TMEM54: variants seen among roughly 807,000 people sequenced by gnomAD.
TMEM54 encodes the protein beta-casein-like protein.
A neutral mutation model predicts 21.3 loss-of-function variants in TMEM54; 21 were observed. The ratio of observed to expected loss-of-function variants is 0.99; its 90% CI spans 0.70 to 1.42. The LOEUF (loss-of-function observed/expected upper bound fraction) is 1.42. TMEM54 is among the 40% of genes most tolerant of loss of function. TMEM54 has a pLI of 0.00. For synonymous variants in TMEM54, 109 were observed against 125.0 expected, an observed-to-expected ratio of 0.87 and a Z score of 0.86; for missense variants, 246 against 294.0, an observed-to-expected ratio of 0.84 and a Z score of 1.19.
chr1:32,898,399 G>C, intron 1 of TMEM54, 80 bp from the exon 2 acceptor site: 2 of 1,353,974 alleles, frequency 1.5e-6, no homozygotes, highest in Admixed American at 4.1e-5. Flanking sequence ...CCTGGCCCTA[G>C]TGATGGACAT....
At position 32,896,567 on chromosome 1, in the gene TMEM54, C is replaced by G. The variant is rs1331408207; in HGVS notation, c.211-598G>C. ...TGCACCCTCTCACCTTCCTGCTCCT[C>G]TGCCCGTGTGGATCCTGCAAGCCCT... On this transcript the variant is annotated intron_variant, in intron 2 of 5. Transcript: ENST00000373463. The surrounding 1 kb of genome is among the most constrained non-coding windows in gnomAD (Gnocchi z 4.1). Among the ~76,000 whole-genome samples, 1 of 152,206 alleles carries G rather than the reference C, an allele frequency of 6.6e-6. No individual in the cohort carries two copies. The highest frequency in any genetic ancestry group is 2.4e-5 in the African/African-American group (1 of 41,450).
chr1:32,894,890 A>T lies in TMEM54; in HGVS notation c.595-11T>A. 1 of 1,606,924 alleles carries T rather than the reference A, an allele frequency of 6.2e-7. No homozygotes were observed. Among genetic ancestry groups the T allele is most frequent in the Non-Finnish European group, 8.5e-7 (1 of 1,174,138 alleles). ...TGGGTTCTCCCGCATCTGCAGAGACACAGGAGGCTGCCAGACCCACTGGTT... is the reference window on the plus strand; with the variant it reads ...TGGGTTCTCCCGCATCTGCAGAGACTCAGGAGGCTGCCAGACCCACTGGTT... On this transcript the variant is annotated splice_polypyrimidine_tract_variant and intron_variant, in intron 5 of 5. Transcript: ENST00000373463.
chr1:32,897,992 G>T lies in TMEM54; in HGVS notation c.210+134C>A. Reference sequence around the variant, plus strand: ...AAGAAGTTGAGTGACTTGGGCAGTTGGTAAGTGGCAGACAAAGGGTTAGTC... The same window carrying T: ...AAGAAGTTGAGTGACTTGGGCAGTTTGTAAGTGGCAGACAAAGGGTTAGTC... On this transcript the variant is annotated intron_variant, in intron 2 of 5. Transcript: ENST00000373463. The surrounding 1 kb of genome is among the most constrained non-coding windows in gnomAD (Gnocchi z 4.9). 1.3e-6 allele frequency: 1 copy of T among 763,880 alleles called. No individual in the cohort carries two copies. Among genetic ancestry groups the T allele is most frequent in the Non-Finnish European group, 2.1e-6 (1 of 475,658 alleles). The allele number at this position is 763,880 out of a possible 1,614,324, so 47.3% of individuals were successfully genotyped here. A position where few individuals can be genotyped will look rare whatever the true frequency, so the allele number is the denominator to read the frequency against.
rs1005942099 is a variant in TMEM54 at position 32,897,164 on chromosome 1, C to T, written c.210+962G>A. 1.6e-4 allele frequency among the ~76,000 whole-genome samples: 25 copies of T among 152,304 alleles called. No individual in the cohort carries two copies. The South Asian group carries it at 2.9e-3, about 18-fold the overall frequency. On this transcript the variant is annotated intron_variant, in intron 2 of 5. Coordinates refer to ENST00000373463, the MANE Select transcript of TMEM54 (RefSeq NM_033504.4). The surrounding 1 kb of genome is among the most constrained non-coding windows in gnomAD (Gnocchi z 4.9). ...GAACTCCAAGGACCCTGCACACATC[C>T]GCCCATCCCAGCCCTGTCCCACCAA...
At chr1:32,900,998 C>T (rs533501593) in intron 1 of TMEM54, among the ~76,000 whole-genome samples, 33 of 152,318 alleles carry the variant, frequency 2.2e-4, no homozygotes, top group Admixed American at 2.2e-3. Context: ...GGGTAAGAGA[C>T]GCTACAGCCA....
In TMEM54 at chr1:32,895,221, C is replaced by A; in HGVS notation, c.594+84G>T. On this transcript the variant is annotated intron_variant, in intron 5 of 5. Coordinates refer to ENST00000373463, the MANE Select transcript of TMEM54 (RefSeq NM_033504.4). This position sits in a 1 kb window ranked among gnomAD's most constrained non-coding sequence, Gnocchi z 5.8. ...CCATTTCTCAAGGTGGGGGCCCATA[C>A]ATAGGGGTGGGGCAGAGCAGCTTGG... is the stretch of plus-strand genomic sequence containing the variant. 1.3e-6 allele frequency: 2 copies of A among 1,509,038 alleles called. No individual in the cohort carries two copies. Among genetic ancestry groups the A allele is most frequent in the Admixed American group, 2.1e-5 (1 of 47,832 alleles). 93.5% of individuals were successfully genotyped at this position (1,509,038 alleles called of 1,614,324 possible).
Position 32,901,138 on chromosome 1 carries a change from G to C in TMEM54, c.16+85C>G. The C allele has an allele frequency of 7.5e-7, 1 of 1,337,952 alleles. No individual in the cohort carries two copies. Among genetic ancestry groups the C allele is most frequent in the South Asian group, 2.1e-5 (1 of 48,374 alleles). 82.9% of individuals were successfully genotyped at this position (1,337,952 alleles called of 1,614,324 possible). On this transcript the variant is annotated intron_variant, in intron 1 of 5. Transcript: ENST00000373463. The surrounding 1 kb of genome is among the most constrained non-coding windows in gnomAD (Gnocchi z 4.2). Reference sequence around the variant, plus strand: ...GCAGAGCAGGTGGCCTGGCCCCCTGGGGGCTCGGGTTCCGGGCTCAGTGCT... The same window carrying C: ...GCAGAGCAGGTGGCCTGGCCCCCTGCGGGCTCGGGTTCCGGGCTCAGTGCT...
chr1:32,901,342 C>G lies in TMEM54; in HGVS notation c.-104G>C. ...CCCGCTGGCCCGTCGCCCGCGCGCC[C>G]CGCACCGTCGCGCTCGCCCACTTCC... On this transcript the variant is annotated 5_prime_UTR_variant, in exon 1 of 6. Transcript: ENST00000373463. This position sits in a 1 kb window ranked among gnomAD's most constrained non-coding sequence, Gnocchi z 4.2. 1 of 1,109,040 alleles carries G rather than the reference C, an allele frequency of 9.0e-7. No individual in the cohort carries two copies. Among genetic ancestry groups the G allele is most frequent in the Non-Finnish European group, 1.1e-6 (1 of 886,286 alleles). 68.7% of individuals were successfully genotyped at this position (1,109,040 alleles called of 1,614,324 possible). A position where few individuals can be genotyped will look rare whatever the true frequency, so the allele number is the denominator to read the frequency against.
At position 32,895,224 on chromosome 1, in the gene TMEM54, AG is replaced by A; in HGVS notation, c.594+80del. 3 of 1,509,086 alleles carry A rather than the reference AG, an allele frequency of 2.0e-6. No individual in the cohort carries two copies. Among genetic ancestry groups the A allele is most frequent in the Admixed American group, 2.1e-5 (1 of 48,518 alleles). 93.5% of individuals were successfully genotyped at this position (1,509,086 alleles called of 1,614,324 possible). A position where few individuals can be genotyped will look rare whatever the true frequency, so the allele number is the denominator to read the frequency against. On this transcript the variant is annotated intron_variant, in intron 5 of 5. Coordinates refer to ENST00000373463, the MANE Select transcript of TMEM54 (RefSeq NM_033504.4). The surrounding 1 kb of genome is among the most constrained non-coding windows in gnomAD (Gnocchi z 5.8). ...TTTCTCAAGGTGGGGGCCCATACATAGGGGTGGGGCAGAGCAGCTTGGGCAC... is the reference window on the plus strand; with the variant it reads ...TTTCTCAAGGTGGGGGCCCATACATAGGGTGGGGCAGAGCAGCTTGGGCAC...
chr1:32,895,210 G>A lies in TMEM54; in HGVS notation c.594+95C>T. ...AAACTTCTGCCCCATTTCTCAAGGT[G>A]GGGGCCCATACATAGGGGTGGGGCA... On this transcript the variant is annotated intron_variant, in intron 5 of 5. Coordinates refer to ENST00000373463, the MANE Select transcript of TMEM54 (RefSeq NM_033504.4). The surrounding 1 kb of genome is among the most constrained non-coding windows in gnomAD (Gnocchi z 5.8). 6.8e-7 allele frequency: 1 copy of A among 1,461,810 alleles called. No individual in the cohort carries two copies. The highest frequency in any genetic ancestry group is 1.4e-5 in the South Asian group (1 of 72,880). The allele number at this position is 1,461,810 out of a possible 1,614,324, so 90.6% of individuals were successfully genotyped here. A position where few individuals can be genotyped will look rare whatever the true frequency, so the allele number is the denominator to read the frequency against.
At chr1:32,899,413 A>G (rs1457723765) in intron 1 of TMEM54, among the ~76,000 whole-genome samples, 1 of 151,022 alleles carries the variant, frequency 6.6e-6, no homozygotes, top group Non-Finnish European at 1.5e-5. Context: ...AAAAAAGAAA[A>G]AAAGAGGCTG....
In TMEM54 at chr1:32,896,083, T is replaced by TC; in HGVS notation, c.211-115dup. 1 of 1,129,176 alleles carries TC rather than the reference T, an allele frequency of 8.9e-7. No homozygotes were observed. The highest frequency in any genetic ancestry group is 1.2e-6 in the Non-Finnish European group (1 of 803,784). 69.9% of individuals were successfully genotyped at this position (1,129,176 alleles called of 1,614,324 possible). A position where few individuals can be genotyped will look rare whatever the true frequency, so the allele number is the denominator to read the frequency against. ...CGGCGCCAACCATTGCCCTCCAGAC[T>TC]CCCCCACCCCTCACCTGCTGCTTAG... On this transcript the variant is annotated intron_variant, in intron 2 of 5. Transcript: ENST00000373463. The surrounding 1 kb of genome is among the most constrained non-coding windows in gnomAD (Gnocchi z 4.1).
In TMEM54 at chr1:32,897,947, C is replaced by T. The variant is rs1641636151; in HGVS notation, c.210+179G>A. 3 of 587,324 alleles carry T rather than the reference C, an allele frequency of 5.1e-6. No homozygotes were observed. Among genetic ancestry groups the T allele is most frequent in the Admixed American group, 3.0e-5 (1 of 33,610 alleles). 36.4% of individuals were successfully genotyped at this position (587,324 alleles called of 1,614,324 possible). A position where few individuals can be genotyped will look rare whatever the true frequency, so the allele number is the denominator to read the frequency against. On this transcript the variant is annotated intron_variant, in intron 2 of 5. Transcript: ENST00000373463. This position sits in a 1 kb window ranked among gnomAD's most constrained non-coding sequence, Gnocchi z 4.9. ...GGACCCTCAGAGGTAAACACTGTTA[C>T]CATCTCCATTTGATAGATGAAGAAG...
chr1:32,901,280 C>T lies in TMEM54; in HGVS notation c.-42G>A, dbSNP rs753692663. 2 of 1,348,698 alleles carry T rather than the reference C, an allele frequency of 1.5e-6. No homozygotes were observed. Among genetic ancestry groups the T allele is most frequent in the Admixed American group, 5.4e-5 (2 of 37,156 alleles). The allele number at this position is 1,348,698 out of a possible 1,614,324, so 83.5% of individuals were successfully genotyped here. A position where few individuals can be genotyped will look rare whatever the true frequency, so the allele number is the denominator to read the frequency against. On this transcript the variant is annotated 5_prime_UTR_variant, in exon 1 of 6. Coordinates refer to ENST00000373463, the MANE Select transcript of TMEM54 (RefSeq NM_033504.4). The surrounding 1 kb of genome is among the most constrained non-coding windows in gnomAD (Gnocchi z 4.2). ...TCCCGCCCCCGGCTTCAGCGCGGCT[C>T]CCGAGGCTGCGGGCCGCCGGGGGAC... is the stretch of plus-strand genomic sequence containing the variant.
chr1:32,895,412 C>G lies in TMEM54; in HGVS notation c.487G>C (p.Ala163Pro). ...YSSSLCLWGI[A>P]LVLCVAENVF... ...TTCTCCGCCACGCAGAGCACTAGGG[C>G]GATGCCCCAGAGGCACAGGCTGGAG... The change falls in exon 5 of 6, where the codon GCC (alanine) becomes CCC (proline). Residue 163 changes from alanine (A) to proline (P), a missense_variant. By Grantham distance (27) the Ala-to-Pro change is conservative (BLOSUM62 -1). Transcript: ENST00000373463. This position sits in a 1 kb window ranked among gnomAD's most constrained non-coding sequence, Gnocchi z 5.8. 1 of 1,613,584 alleles carries G rather than the reference C, an allele frequency of 6.2e-7. No homozygotes were observed. The highest frequency in any genetic ancestry group is 8.5e-7 in the Non-Finnish European group (1 of 1,179,632).
chr1:32,900,064 GACCC>G lies in TMEM54; in HGVS notation c.16+1155_16+1158del, dbSNP rs200875910. 8.0e-3 allele frequency among the ~76,000 whole-genome samples: 1,216 copies of G among 152,254 alleles called. 4 individuals are homozygous for G. The highest frequency in any genetic ancestry group is 0.012 in the African/African-American group (514 of 41,542). ...CATGGCAGCTTCAGCGCAGGAGCCT[GACCC>G]ACCTCACCCCCTCCACCCACCTACC... On this transcript the variant is annotated intron_variant, in intron 1 of 5. Coordinates refer to ENST00000373463, the MANE Select transcript of TMEM54 (RefSeq NM_033504.4).
chr1:32,901,177 A>T lies in TMEM54; in HGVS notation c.16+46T>A, dbSNP rs749867151. 6.9e-7 allele frequency: 1 copy of T among 1,451,332 alleles called. No individual in the cohort carries two copies. The highest frequency in any genetic ancestry group is 2.7e-5 in the East Asian group (1 of 37,516). 89.9% of individuals were successfully genotyped at this position (1,451,332 alleles called of 1,614,324 possible). On this transcript the variant is annotated intron_variant, in intron 1 of 5. Coordinates refer to ENST00000373463, the MANE Select transcript of TMEM54 (RefSeq NM_033504.4). This position sits in a 1 kb window ranked among gnomAD's most constrained non-coding sequence, Gnocchi z 4.2. ...GGGCTCAGTGCTCCGCTCCTGTGGG[A>T]GGGTTGGGGTGGTTCGGGGCCTCCC...
At position 32,896,030 on chromosome 1, in the gene TMEM54, C is replaced by G; in HGVS notation, c.211-61G>C. ...GCTGGAGGAACAGGGGCAGGGGGATCAGGGCCACTCTGGGATAATGATCTC... is the reference window on the plus strand; with the variant it reads ...GCTGGAGGAACAGGGGCAGGGGGATGAGGGCCACTCTGGGATAATGATCTC... On this transcript the variant is annotated intron_variant, in intron 2 of 5. Coordinates refer to ENST00000373463, the MANE Select transcript of TMEM54 (RefSeq NM_033504.4). This position sits in a 1 kb window ranked among gnomAD's most constrained non-coding sequence, Gnocchi z 4.1. 1 of 1,560,306 alleles carries G rather than the reference C, an allele frequency of 6.4e-7. No individual in the cohort carries two copies. The highest frequency in any genetic ancestry group is 8.7e-7 in the Non-Finnish European group (1 of 1,147,230).
At chr1:32,894,906 C>T (rs750148973) in intron 5 of TMEM54, 27 bp from the exon 6 acceptor site, 23 of 1,601,002 alleles carry the variant, frequency 1.4e-5, no homozygotes, top group Non-Finnish European at 2.0e-5. Context: ...GGCTGCCAGA[C>T]CCACTGGTTC....
Sources: gnomAD v4.1 joint callset for allele counts (sites outside exome capture counted in the v4.1 genomes callset) on GRCh38, gnomAD v4.1.1 for gene constraint, Gnocchi (gnomAD v3.1) non-coding constraint, MANE v1.5 for transcripts, NCBI Gene and HGNC (gene_info 2026-07-23, HGNC 2026-07-21) for gene names.